Variants in CUX1 observed in about 807,000 individuals in gnomAD.
The protein encoded by CUX1 is cut like homeobox 1.
In CUX1, 31 loss-of-function variants were observed where a neutral mutation model predicts 158.8. The ratio of observed to expected loss-of-function variants is 0.20; its 90% confidence interval spans 0.15 to 0.26. The LOEUF is 0.26. Ranked by LOEUF, CUX1 falls within the 10% of genes least tolerant of loss-of-function variation. The pLI is 1.00. For synonymous variants in CUX1, 879 were observed against 862.1 expected, an observed-to-expected ratio of 1.02 and a Z score of -0.34; for missense variants, 1,589 against 2,014.6, an observed-to-expected ratio of 0.79 and a Z score of 4.04.
At chr7:102,066,450 G>A (rs1014697509) in intron 3 of CUX1, among the ~76,000 whole-genome samples, 7 of 152,200 alleles carry the variant, frequency 4.6e-5, no homozygotes, top group East Asian at 1.9e-4. Flanking sequence ...TTATAGCCCC[G>A]AAGTGTGCCG....
intron 1 of CUX1, among the ~76,000 whole-genome samples, chr7:101,891,019 G>A (rs1405037455): frequency 1.3e-5 from 2 of 151,920 alleles, no homozygotes; most frequent in African/African-American, 4.8e-5. Context: ...GGGGGAATAT[G>A]ATTTTGTGTC....
intron 3 of CUX1, among the ~76,000 whole-genome samples, chr7:102,045,936 G>A (rs1822728280): frequency 6.6e-6 from 1 of 152,204 alleles, no homozygotes; most frequent in African/African-American, 2.4e-5. Context: ...TTGGGGTTCA[G>A]GTTGCCAAGG....
intron 3 of CUX1, among the ~76,000 whole-genome samples, chr7:102,058,079 C>T (rs1319402083): frequency 6.6e-6 from 1 of 152,192 alleles, no homozygotes; most frequent in African/African-American, 2.4e-5. Context: ...AAAAAGATTA[C>T]AACTCCCTGA....
At chr7:101,935,985 A>C (rs1010342523) in intron 2 of CUX1, among the ~76,000 whole-genome samples, 1 of 152,162 alleles carries the variant, frequency 6.6e-6, no homozygotes, top group Non-Finnish European at 1.5e-5. Flanking sequence ...AAAACAAGGA[A>C]GCGGTGGTTA....
At chr7:102,271,769 C>G (rs1246049042) in intron 14 of CUX1, among the ~76,000 whole-genome samples, 3 of 152,244 alleles carry the variant, frequency 2.0e-5, no homozygotes, top group Non-Finnish European at 2.9e-5. Flanking sequence ...GTGGCTCACG[C>G]CTGTAATCCC....
chr7:101,939,060 T>A (rs1162311705), intron 2 of CUX1, among the ~76,000 whole-genome samples: 16 of 368 alleles, frequency 0.043, no homozygotes, highest in African/African-American at 0.14. Flanking sequence ...AAAAAATACA[T>A]ATATATATAT....
chr7:102,017,504 C>G (rs773085738), intron 2 of CUX1, among the ~76,000 whole-genome samples: 1 of 152,120 alleles, frequency 6.6e-6, no homozygotes, highest in Non-Finnish European at 1.5e-5. Context: ...CTGTGACTGT[C>G]TCATTCACTG....
intron 14 of CUX1, among the ~76,000 whole-genome samples, chr7:102,271,261 A>G (rs1791194279): frequency 6.6e-6 from 1 of 152,034 alleles, no homozygotes; most frequent in East Asian, 1.9e-4. Flanking sequence ...CCCTCTTTTT[A>G]TCCCAGGAGT....
At chr7:101,956,291 C>T (rs1809779809) in intron 2 of CUX1, among the ~76,000 whole-genome samples, 1 of 152,138 alleles carries the variant, frequency 6.6e-6, no homozygotes, top group Admixed American at 6.5e-5. Context: ...AGCGGCCTCT[C>T]CGGATGCCAA....
At chr7:102,055,912 T>C (rs1266847972) in intron 3 of CUX1, among the ~76,000 whole-genome samples, 1 of 152,208 alleles carries the variant, frequency 6.6e-6, no homozygotes, top group Non-Finnish European at 1.5e-5. Flanking sequence ...TAAGAAAGCC[T>C]TATTTCTGAT....
At chr7:102,193,153 G>A (rs1316232381) in intron 12 of CUX1, among the ~76,000 whole-genome samples, 6 of 152,254 alleles carry the variant, frequency 3.9e-5, no homozygotes, top group Non-Finnish European at 2.9e-5. Flanking sequence ...CCAGGTAGGT[G>A]CCAGTTAGGA....
At chr7:101,962,378 TTTAAG>T (rs1413694063) in intron 2 of CUX1, among the ~76,000 whole-genome samples, 1 of 152,162 alleles carries the variant, frequency 6.6e-6, no homozygotes, top group African/African-American at 2.4e-5. Context: ...GGATCTTCCG[TTTAAG>T]TTTTTGGATA....
At chr7:102,022,648 T>G (rs1461229685) in intron 2 of CUX1, among the ~76,000 whole-genome samples, 1 of 150,958 alleles carries the variant, frequency 6.6e-6, no homozygotes, top group African/African-American at 2.4e-5. Flanking sequence ...AAGAAAAGAA[T>G]GGAAATCCTT....
intron 2 of CUX1, among the ~76,000 whole-genome samples, chr7:101,942,920 G>A (rs1402149966): frequency 6.6e-6 from 1 of 152,160 alleles, no homozygotes; most frequent in Non-Finnish European, 1.5e-5. Flanking sequence ...TGGGAGATCA[G>A]TTCCCTTCTC....
intron 3 of CUX1, among the ~76,000 whole-genome samples, chr7:102,031,612 C>G (rs1222248033): frequency 6.6e-6 from 1 of 151,880 alleles, no homozygotes; most frequent in African/African-American, 2.4e-5. Context: ...AATTTTTTGG[C>G]ACCATTAATT....
intron 23 of CUX1, among the ~76,000 whole-genome samples, chr7:102,247,834 AAAAAT>A (rs1800981779): frequency 6.6e-6 from 1 of 151,856 alleles, no homozygotes; most frequent in Non-Finnish European, 1.5e-5. Context: ...AAGGTTTTTG[AAAAAT>A]AAAATAAGTG....
intron 14 of CUX1, among the ~76,000 whole-genome samples, chr7:102,269,412 CT>C (rs201452988): frequency 0.012 from 1,695 of 144,578 alleles, 18 homozygotes; most frequent in African/African-American, 0.038. Flanking sequence ...ACCCCAAAGT[CT>C]TTTTTTTTTT....
At chr7:102,033,333 T>C (rs1821019523) in intron 3 of CUX1, among the ~76,000 whole-genome samples, 1 of 151,332 alleles carries the variant, frequency 6.6e-6, no homozygotes, top group South Asian at 2.1e-4. Flanking sequence ...TAAGTTCAAA[T>C]AGAATGAAAG....
chr7:102,241,452 T>A (rs1401606258), intron 23 of CUX1, among the ~76,000 whole-genome samples: 1 of 152,104 alleles, frequency 6.6e-6, no homozygotes, highest in Non-Finnish European at 1.5e-5. Context: ...GTCTAGCCGA[T>A]GGCAGTGGGG....
Sources: gnomAD v4.1 joint callset for allele counts (sites outside exome capture counted in the v4.1 genomes callset) on GRCh38, gnomAD v4.1.1 for gene constraint, MANE v1.5 for transcripts, NCBI Gene and HGNC (gene_info 2026-07-23, HGNC 2026-07-21) for gene names.